The following CIB4 variants were observed in gnomAD, a reference collection of about 807,000 sequenced individuals.
The protein encoded by CIB4 is calcium and integrin binding family member 4.
Under a neutral mutation model 25.8 loss-of-function variants are expected in CIB4, and 25 were observed. The ratio of observed to expected loss-of-function variants is 0.97; its 90% confidence interval spans 0.71 to 1.35. CIB4 has a LOEUF of 1.35. CIB4 is among the 40% of genes most tolerant of loss of function. CIB4 has a pLI of 0.00. For synonymous variants in CIB4, 75 were observed against 81.4 expected, an observed-to-expected ratio of 0.92 and a Z score of 0.42; for missense variants, 235 against 228.2, an observed-to-expected ratio of 1.03 and a Z score of -0.19.
intron 3 of CIB4, among the ~76,000 whole-genome samples, chr2:26,598,397 G>A (rs1668720317): frequency 6.6e-6 from 1 of 152,100 alleles, no homozygotes; most frequent in Non-Finnish European, 1.5e-5. Flanking sequence ...ATGACTCTGT[G>A]ACTCTGTGAC....
chr2:26,621,252 G>GAAAA lies in CIB4; in HGVS notation c.186+8154_186+8157dup, dbSNP rs10689851. 8.2e-3 allele frequency among the ~76,000 whole-genome samples: 840 copies of GAAAA among 101,842 alleles called. 14 individuals carry two copies. The highest frequency in any genetic ancestry group is 0.031 in the African/African-American group (783 of 25,100). The allele number at this position is 101,842 out of a possible 152,430, so 66.8% of individuals were successfully genotyped here. On this transcript the variant is annotated intron_variant, in intron 3 of 6. Coordinates refer to ENST00000288861, the MANE Select transcript of CIB4 (RefSeq NM_001029881.3). ...AAGAGAAGAGTCTACAAGTTTCCAG[G>GAAAA]AAAAAAAAAAAAAAAAAAACAGGGA... is the stretch of plus-strand genomic sequence containing the variant.
chr2:26,581,272 T>C lies in CIB4; in HGVS notation c.*91A>G. 1 of 1,047,036 alleles carries C rather than the reference T, an allele frequency of 9.6e-7. No individual in the cohort carries two copies. Among genetic ancestry groups the C allele is most frequent in the South Asian group, 1.3e-5 (1 of 78,230 alleles). The allele number at this position is 1,047,036 out of a possible 1,614,324, so 64.9% of individuals were successfully genotyped here. A position where few individuals can be genotyped will look rare whatever the true frequency, so the allele number is the denominator to read the frequency against. ...AGGTGAGTGTGGGCCCAGTACAAAG[T>C]CATACTTCAAACCAGCTCCCTCCAG... On this transcript the variant is annotated 3_prime_UTR_variant, in exon 7 of 7. Coordinates refer to ENST00000288861, the MANE Select transcript of CIB4 (RefSeq NM_001029881.3).
At chr2:26,614,988 G>C (rs1390385306) in intron 3 of CIB4, among the ~76,000 whole-genome samples, 2 of 152,200 alleles carry the variant, frequency 1.3e-5, no homozygotes, top group East Asian at 3.9e-4. Flanking sequence ...GGGTTTGACT[G>C]GATGAGAAAA....
intron 2 of CIB4, among the ~76,000 whole-genome samples, chr2:26,635,538 T>A (rs925366159): frequency 6.6e-6 from 1 of 152,240 alleles, no homozygotes; most frequent in African/African-American, 2.4e-5. Context: ...CAAGGCATTG[T>A]CAGAGGCCAC....
At chr2:26,626,700 G>A (rs1353205918) in intron 3 of CIB4, among the ~76,000 whole-genome samples, 1 of 152,144 alleles carries the variant, frequency 6.6e-6, no homozygotes, top group Non-Finnish European at 1.5e-5. Context: ...AGTTCGGGGG[G>A]AAGAGGGGGT....
At chr2:26,611,039 G>A (rs1410723676) in intron 3 of CIB4, among the ~76,000 whole-genome samples, 1 of 152,232 alleles carries the variant, frequency 6.6e-6, no homozygotes, top group Non-Finnish European at 1.5e-5. Flanking sequence ...AGAGCAAGGG[G>A]AGAAGTGGAA....
In CIB4 at chr2:26,583,723, G is replaced by T. The variant is rs1411127940; in HGVS notation, c.438+66C>A. Reference sequence around the variant, plus strand: ...CAAGAGGGTGGCCTGACATCCGGGGGCTTTGGGTGACAACCTGGCCCCTAT... The same window carrying T: ...CAAGAGGGTGGCCTGACATCCGGGGTCTTTGGGTGACAACCTGGCCCCTAT... On this transcript the variant is annotated intron_variant, in intron 5 of 6. Transcript: ENST00000288861. The T allele has an allele frequency of 8.5e-6, 9 of 1,061,664 alleles. No homozygotes were observed. In the Admixed American group the frequency reaches 1.2e-4, roughly 14 times the overall value. 65.8% of individuals were successfully genotyped at this position (1,061,664 alleles called of 1,614,324 possible).
chr2:26,616,477 C>T lies in CIB4; in HGVS notation c.186+12933G>A, dbSNP rs555614786. Among the ~76,000 whole-genome samples the T allele has an allele frequency of 1.5e-4, 23 of 152,290 alleles. No individual in the cohort carries two copies. The South Asian group carries it at 4.1e-3, about 27-fold the overall frequency. The stretch of plus-strand genomic sequence containing the variant: ...TCCTTTCTCAGTGGAAGATTTGTCC[C>T]GCTGGGGCGTCTGGGCACTAAAGGT... On this transcript the variant is annotated intron_variant, in intron 3 of 6. Coordinates refer to ENST00000288861, the MANE Select transcript of CIB4 (RefSeq NM_001029881.3).
intron 3 of CIB4, among the ~76,000 whole-genome samples, chr2:26,603,997 T>A (rs1390131704): frequency 7.1e-5 from 9 of 126,286 alleles, no homozygotes; most frequent in African/African-American, 9.8e-5. Flanking sequence ...AGCAAGAGCA[T>A]ACCTTAAAAA....
At chr2:26,633,586 C>T (rs535160146) in intron 2 of CIB4, among the ~76,000 whole-genome samples, 1 of 152,296 alleles carries the variant, frequency 6.6e-6, no homozygotes, top group East Asian at 1.9e-4. Flanking sequence ...AGTGGGCGGG[C>T]TGCCCATAGA....
rs180926395 is a variant in CIB4, at chr2:26,623,262, T to C, written c.186+6148A>G. ...GGAGGCTGAGGCAGGAGGATCGCTT[T>C]AGCCCCAGAGATTGAGGCTGCAGGG... On this transcript the variant is annotated intron_variant, in intron 3 of 6. Transcript: ENST00000288861. 1.5e-3 allele frequency among the ~76,000 whole-genome samples: 233 copies of C among 151,914 alleles called. 1 individual carries two copies. The highest frequency in any genetic ancestry group is 5.4e-3 in the African/African-American group (225 of 41,454).
chr2:26,606,584 T>C (rs1325482575), intron 3 of CIB4, among the ~76,000 whole-genome samples: 6 of 152,166 alleles, frequency 3.9e-5, no homozygotes, highest in African/African-American at 1.4e-4. Context: ...ACTTGGACTC[T>C]GAAACCCCTC....
At chr2:26,589,770 G>A (rs2148192406) in intron 4 of CIB4, among the ~76,000 whole-genome samples, 1 of 152,346 alleles carries the variant, frequency 6.6e-6, no homozygotes, top group Middle Eastern at 3.4e-3. Flanking sequence ...AGGTGACATA[G>A]TTCTAGCCAA....
intron 4 of CIB4, among the ~76,000 whole-genome samples, chr2:26,593,407 CAT>C (rs1423409384): frequency 7.9e-5 from 12 of 151,678 alleles, no homozygotes; most frequent in Non-Finnish European, 4.4e-5. Context: ...TATACACACA[CAT>C]ATATACACAC....
rs1176414617 is a variant in CIB4 at position 26,601,254 on chromosome 2, A to G, written c.187-5937T>C. On this transcript the variant is annotated intron_variant, in intron 3 of 6. Transcript: ENST00000288861. ...AAAATATATATATATATATATATAT[A>G]TATATATATATATATGCATGCTAAG... 2.1e-5 allele frequency among the ~76,000 whole-genome samples: 3 copies of G among 141,050 alleles called. 1 individual carries two copies. Among genetic ancestry groups the G allele is most frequent in the African/African-American group, 8.0e-5 (3 of 37,326 alleles). 92.5% of individuals were successfully genotyped at this position (141,050 alleles called of 152,430 possible). A position where few individuals can be genotyped will look rare whatever the true frequency, so the allele number is the denominator to read the frequency against.
intron 5 of CIB4, 59 bp from the exon 6 acceptor site, chr2:26,582,972 G>A (rs1369207283): frequency 2.5e-6 from 3 of 1,194,390 alleles, no homozygotes; most frequent in African/African-American, 1.5e-5. Context: ...GTGAGGTGGG[G>A]CACAGGGTGG....
intron 3 of CIB4, among the ~76,000 whole-genome samples, chr2:26,610,727 G>A (rs141852904): frequency 6.6e-6 from 1 of 152,318 alleles, no homozygotes; most frequent in Non-Finnish European, 1.5e-5. Context: ...CAGGTGCTGT[G>A]TCAGCCAAAT....
At chr2:26,621,184 C>T (rs1669197165) in intron 3 of CIB4, among the ~76,000 whole-genome samples, 1 of 141,742 alleles carries the variant, frequency 7.1e-6, no homozygotes, top group African/African-American at 2.7e-5. Context: ...GGAAAGGACT[C>T]GTGCCAACAA....
intron 5 of CIB4, 79 bp from the exon 6 acceptor site, chr2:26,582,992 G>T: frequency 1.1e-6 from 1 of 920,412 alleles, no homozygotes; most frequent in Non-Finnish European, 1.8e-6. Context: ...GAGGGGGAAA[G>T]CCACATGCCA....
Sources: allele counts gnomAD v4.1 joint callset (sites outside exome capture counted in the v4.1 genomes callset), GRCh38; gene constraint gnomAD v4.1.1; transcripts MANE v1.5; gene names NCBI Gene and HGNC (gene_info 2026-07-23, HGNC 2026-07-21).